The following CNTN1 variants were observed in gnomAD, a reference collection of about 807,000 sequenced individuals.
CNTN1 encodes the protein contactin-1.
CNTN1 carries 38 observed loss-of-function variants against 126.4 expected under a neutral mutation model. The ratio of observed to expected loss-of-function variants is 0.30; its 90% CI spans 0.23 to 0.39. The LOEUF is 0.39. CNTN1 is among the 10% of genes least tolerant of loss of function. The probability of loss-of-function intolerance (pLI) is 1.00; values close to 1 mark genes in which losing one functional copy is unlikely to be tolerated. For missense variants in CNTN1, 1,009 were observed against 1,248.4 expected (o/e 0.81, Z 2.89); for synonymous variants, 413 against 422.6 (o/e 0.98, Z 0.28).
chr12:41,005,308 CT>C (rs1490130699), intron 17 of CNTN1, among the ~76,000 whole-genome samples: 1 of 152,172 alleles, frequency 6.6e-6, no homozygotes, highest in African/African-American at 2.4e-5. Context: ...CATTTTTAGT[CT>C]GATTGGCTTC....
chr12:41,059,945 G>T (rs1338489731), intron 23 of CNTN1, among the ~76,000 whole-genome samples: 1 of 152,090 alleles, frequency 6.6e-6, no homozygotes, highest in Non-Finnish European at 1.5e-5. Flanking sequence ...AGGATCACTT[G>T]AGCCTGGGAA....
chr12:40,945,722 TA>T (rs34940542), intron 14 of CNTN1, among the ~76,000 whole-genome samples: 1,689 of 144,896 alleles, frequency 0.012, 29 homozygotes, highest in African/African-American at 0.038. Context: ...CAGTCCCCTT[TA>T]AAAAAAAAAA....
At chr12:40,888,023 G>GGGAGGGA (rs1236647326) in intron 1 of CNTN1, among the ~76,000 whole-genome samples, 1 of 113,416 alleles carries the variant, frequency 8.8e-6, no homozygotes, top group Admixed American at 1.1e-4. Context: ...GTGGGGTGGG[G>GGGAGGGA]GGAGGGAGGA....
chr12:41,030,436 T>C (rs893694801), intron 23 of CNTN1, among the ~76,000 whole-genome samples: 3 of 151,924 alleles, frequency 2.0e-5, no homozygotes, highest in Admixed American at 6.6e-5. Context: ...TTTAAGAAAA[T>C]AGAGAAATTA....
At chr12:41,032,531 C>T (rs1949169930) in intron 23 of CNTN1, among the ~76,000 whole-genome samples, 1 of 152,166 alleles carries the variant, frequency 6.6e-6, no homozygotes, top group African/African-American at 2.4e-5. Context: ...TTCTTGAACA[C>T]ACCAGTGTTA....
chr12:40,754,819 G>C (rs1938536763), intron 1 of CNTN1, among the ~76,000 whole-genome samples: 1 of 151,954 alleles, frequency 6.6e-6, no homozygotes, highest in Admixed American at 6.6e-5. Context: ...CTGTGAAAAA[G>C]AACTCTATGC....
At position 40,961,841 on chromosome 12, in the gene CNTN1, T is replaced by C. The variant is rs538944657; in HGVS notation, c.1804+2607T>C. ...GCACATTTAGATTGTGAATTGCTTT[T>C]AAAAGATTCGATTTGCACTCAACCC... On this transcript the variant is annotated intron_variant, in intron 15 of 23. Coordinates refer to ENST00000551295, the MANE Select transcript of CNTN1 (RefSeq NM_001843.4). 4.0e-3 allele frequency among the ~76,000 whole-genome samples: 610 copies of C among 152,220 alleles called. 3 individuals carry two copies. Among genetic ancestry groups the C allele is most frequent in the African/African-American group, 0.014 (572 of 41,558 alleles).
At chr12:40,793,045 T>C (rs1940278085) in intron 1 of CNTN1, among the ~76,000 whole-genome samples, 1 of 151,962 alleles carries the variant, frequency 6.6e-6, no homozygotes, top group Admixed American at 6.6e-5. Flanking sequence ...TAAAAAAGAT[T>C]AACTCACAGA....
intron 23 of CNTN1, among the ~76,000 whole-genome samples, chr12:41,053,428 A>AATATATATAT (rs66808071): frequency 0.036 from 2,308 of 63,890 alleles, 137 homozygotes; most frequent in African/African-American, 0.05. Flanking sequence ...GTTTTCACTA[A>AATATATATAT]ATATATATAT....
intron 1 of CNTN1, among the ~76,000 whole-genome samples, chr12:40,777,037 C>G (rs1206732248): frequency 6.6e-6 from 1 of 151,578 alleles, no homozygotes; most frequent in Non-Finnish European, 1.5e-5. Flanking sequence ...AATGGCATCC[C>G]AAACCCTAAC....
At chr12:40,731,217 G>C (rs7966261) in intron 1 of CNTN1, among the ~76,000 whole-genome samples, 3,319 of 152,020 alleles carry the variant, frequency 0.022, 51 homozygotes, top group African/African-American at 0.045. Context: ...AAGGAGAAAA[G>C]AAATGTATAA....
intron 15 of CNTN1, among the ~76,000 whole-genome samples, chr12:40,975,194 A>T (rs1164451928): frequency 3.9e-4 from 12 of 31,098 alleles, no homozygotes; most frequent in Non-Finnish European, 5.1e-4. Flanking sequence ...ATATATATAT[A>T]TATATATATA....
rs757948202 is a variant in CNTN1 at position 40,959,135 on chromosome 12, C to T, written c.1705C>T (p.Leu569=). ...NFMLDSNGEL[L]IRNAQLKHAG... The stretch of plus-strand genomic sequence containing the variant: ...ACAGCTGGATTCCAATGGGGAATTA[C>T]TAATCCGAAATGCGCAGCTGAAACA... The change falls in exon 15 of 24, where the codon CTA becomes TTA. Residue 569 remains leucine (L), a synonymous_variant. Coordinates refer to ENST00000551295, the MANE Select transcript of CNTN1 (RefSeq NM_001843.4). 24 of 1,612,556 alleles carry T rather than the reference C, an allele frequency of 1.5e-5. No individual in the cohort carries two copies. Among genetic ancestry groups the T allele is most frequent in the Non-Finnish European group, 1.9e-5 (22 of 1,179,072 alleles).
chr12:40,720,273 A>G lies in CNTN1; in HGVS notation c.-77+27681A>G, dbSNP rs1332469756. Among the ~76,000 whole-genome samples, 3 of 152,164 alleles carry G rather than the reference A, an allele frequency of 2.0e-5. No homozygotes were observed. In the East Asian group the frequency reaches 5.8e-4, roughly 29 times the overall value. ...ATCAAAAGAGTAAGTTTTGAAAAACATATTTATTGGTACTAATTTGGTCTC... is the reference window on the plus strand; with the variant it reads ...ATCAAAAGAGTAAGTTTTGAAAAACGTATTTATTGGTACTAATTTGGTCTC... On this transcript the variant is annotated intron_variant, in intron 1 of 23. Coordinates refer to ENST00000551295, the MANE Select transcript of CNTN1 (RefSeq NM_001843.4).
At chr12:41,052,452 T>C (rs564233836) in intron 23 of CNTN1, among the ~76,000 whole-genome samples, 14 of 152,304 alleles carry the variant, frequency 9.2e-5, no homozygotes, top group Non-Finnish European at 1.8e-4. Context: ...ACAATAAATA[T>C]TAGCAATATT....
intron 15 of CNTN1, chr12:40,972,190 A>G (rs1374416971): frequency 1.0e-6 from 1 of 985,244 alleles, no homozygotes; most frequent in Non-Finnish European, 1.2e-6. Flanking sequence ...CATTAACAGC[A>G]TGCATTCATA....
At chr12:41,056,311 A>G (rs529703369) in intron 23 of CNTN1, among the ~76,000 whole-genome samples, 1 of 152,166 alleles carries the variant, frequency 6.6e-6, no homozygotes, top group Non-Finnish European at 1.5e-5. Context: ...TGAAATTCAG[A>G]GAGTTTATGT....
chr12:40,726,626 T>C (rs1942357844), intron 1 of CNTN1, among the ~76,000 whole-genome samples: 1 of 152,146 alleles, frequency 6.6e-6, no homozygotes, highest in Admixed American at 6.6e-5. Context: ...ATTATAGGGA[T>C]TACAATTGGA....
At chr12:41,003,838 C>G (rs1948424331) in intron 17 of CNTN1, among the ~76,000 whole-genome samples, 1 of 151,976 alleles carries the variant, frequency 6.6e-6, no homozygotes, top group Non-Finnish European at 1.5e-5. Context: ...TGAATCCTCT[C>G]TCTTTTCTTC....
Sources: allele counts gnomAD v4.1 joint callset (sites outside exome capture counted in the v4.1 genomes callset), GRCh38; gene constraint gnomAD v4.1.1; transcripts MANE v1.5; gene names NCBI Gene and HGNC (gene_info 2026-07-23, HGNC 2026-07-21).